Variants in PAH observed in about 807,000 individuals in gnomAD.
PAH encodes phenylalanine hydroxylase.
In PAH, 64 loss-of-function variants were observed where a neutral mutation model predicts 62.0. The observed-to-expected ratio is 1.03, with a 90% CI of 0.84 to 1.27. The LOEUF is 1.27. PAH is among the 50% of genes most tolerant of loss of function. PAH has a pLI of 0.00. For synonymous variants in PAH, 195 were observed against 196.2 expected, an observed-to-expected ratio of 0.99 and a Z score of 0.05; for missense variants, 579 against 542.8, an observed-to-expected ratio of 1.07 and a Z score of -0.66.
chr12:102,855,420 G>T, intron 5 of PAH, 88 bp from the exon 6 acceptor site: 1 of 969,590 alleles, frequency 1.0e-6, no homozygotes, highest in Non-Finnish European at 1.6e-6. Flanking sequence ...TCGGGGACCA[G>T]AACCTGTGAG....
At chr12:102,897,463 GTGTATATA>G (rs1479476778) in intron 2 of PAH, among the ~76,000 whole-genome samples, 21 of 105,584 alleles carry the variant, frequency 2.0e-4, no homozygotes, top group South Asian at 1.4e-3. Flanking sequence ...GTGTGTGTGT[GTGTATATA>G]TATATATATA....
At chr12:102,853,365 G>GC in intron 6 of PAH, 24 of 320,470 alleles carry the variant, frequency 7.5e-5, no homozygotes, top group South Asian at 2.2e-4. Flanking sequence ...TTCCCAGAAG[G>GC]GAAGAGTATG....
chr12:102,885,616 C>T (rs73391504), intron 3 of PAH, among the ~76,000 whole-genome samples: 22 of 152,286 alleles, frequency 1.4e-4, no homozygotes, highest in African/African-American at 5.1e-4. Flanking sequence ...CCCATTAAGT[C>T]GGGGTCAACT....
intron 1 of PAH, among the ~76,000 whole-genome samples, chr12:102,942,646 C>A (rs1461178573): frequency 6.6e-6 from 1 of 152,108 alleles, no homozygotes; most frequent in Non-Finnish European, 1.5e-5. Context: ...AGAGGCATCA[C>A]ACTACCCAAC....
intron 8 of PAH, among the ~76,000 whole-genome samples, chr12:102,849,397 T>C (rs945560266): frequency 6.8e-6 from 1 of 147,306 alleles, no homozygotes; most frequent in African/African-American, 2.7e-5. Context: ...CAATTCAATA[T>C]GCAAGTCTGA....
At chr12:102,853,531 C>A (rs1270863249) in intron 6 of PAH, 2 of 169,414 alleles carry the variant, frequency 1.2e-5, no homozygotes, top group African/African-American at 4.8e-5. Context: ...CACAGAGGAC[C>A]TCATTCCAGT....
chr12:102,930,350 G>T (rs1355430367), intron 1 of PAH, among the ~76,000 whole-genome samples: 2 of 150,864 alleles, frequency 1.3e-5, no homozygotes, highest in East Asian at 3.9e-4. Context: ...AAATGAGTTT[G>T]TCTGGTTACA....
At chr12:102,876,513 A>T (rs1318459903) in intron 4 of PAH, among the ~76,000 whole-genome samples, 1 of 152,236 alleles carries the variant, frequency 6.6e-6, no homozygotes, top group African/African-American at 2.4e-5. Flanking sequence ...AAAGACCCAC[A>T]TAAATGTGAG....
intron 1 of PAH, chr12:102,958,141 CCT>C: frequency 1.2e-6 from 1 of 808,222 alleles, no homozygotes; most frequent in Non-Finnish European, 1.7e-6. Context: ...CTTTTCTTTC[CCT>C]CTCTGTTCCT....
chr12:102,846,915 A>G lies in PAH; in HGVS notation c.949T>C (p.Tyr317His), dbSNP rs1874872863. The G allele has an allele frequency of 1.2e-6, 2 of 1,613,658 alleles. No individual in the cohort carries two copies. The highest frequency in any genetic ancestry group is 3.3e-4 in the Middle Eastern group (2 of 6,060). ...GLASLGAPDE[Y>H]IEKLATIYWF... ...CTTACTGTGGCGAGCTTTTCAATGT[A>G]TTCATCAGGTGCACCCAGAGAGGCA... The change falls in exon 9 of 13, where the codon TAC becomes CAC. Residue 317 changes from tyrosine (Y) to histidine (H), a missense_variant. Physicochemically the swap from Tyr to His is moderately conservative, Grantham distance 83. Coordinates refer to ENST00000553106, the MANE Select transcript of PAH (RefSeq NM_000277.3).
upstream of PAH, among the ~76,000 whole-genome samples, chr12:102,921,989 C>G (rs1203086738): frequency 2.0e-5 from 3 of 152,028 alleles, no homozygotes; most frequent in Non-Finnish European, 4.4e-5. Context: ...TCATATGGCT[C>G]AAACATCAAA....
chr12:102,848,559 G>A (rs12099870), intron 8 of PAH, among the ~76,000 whole-genome samples: 1 of 149,684 alleles, frequency 6.7e-6, no homozygotes. Flanking sequence ...GACACCAGGA[G>A]ACTGGAGAGG....
intron 5 of PAH, among the ~76,000 whole-genome samples, chr12:102,863,611 T>C (rs188575532): frequency 4.6e-4 from 70 of 152,302 alleles, no homozygotes; most frequent in Non-Finnish European, 7.9e-4. Context: ...GGACCTCTAA[T>C]TGAGTTGGCG....
At chr12:102,935,413 T>C (rs1879066146) in intron 1 of PAH, among the ~76,000 whole-genome samples, 1 of 152,154 alleles carries the variant, frequency 6.6e-6, no homozygotes, top group African/African-American at 2.4e-5. Flanking sequence ...CCTTGTAGAA[T>C]GAGTTTGAAA....
chr12:102,937,009 G>A (rs1253670495), intron 1 of PAH, among the ~76,000 whole-genome samples: 1 of 152,148 alleles, frequency 6.6e-6, no homozygotes. Flanking sequence ...TGAGTTCTCA[G>A]GAGATCTGAT....
At chr12:102,879,609 G>A (rs976023312) in intron 3 of PAH, among the ~76,000 whole-genome samples, 4 of 151,426 alleles carry the variant, frequency 2.6e-5, no homozygotes, top group African/African-American at 4.9e-5. Context: ...TACCTGTGGG[G>A]GGGGGGTACT....
chr12:102,844,184 A>G lies in PAH; in HGVS notation c.1065+152T>C, dbSNP rs893632862. 1.8e-5 allele frequency: 12 copies of G among 683,996 alleles called. No individual in the cohort carries two copies. In the Admixed American group the frequency reaches 2.3e-4, roughly 13 times the overall value. 42.4% of individuals were successfully genotyped at this position (683,996 alleles called of 1,614,324 possible). Reference sequence around the variant, plus strand: ...TAAAACCCACAGCCATCATCAAATCATAGCTGCTAAGGTACCAATCACTGG... The same window carrying G: ...TAAAACCCACAGCCATCATCAAATCGTAGCTGCTAAGGTACCAATCACTGG... On this transcript the variant is annotated intron_variant, in intron 10 of 12. Transcript: ENST00000553106.
Position 102,855,127 on chromosome 12 carries a change from T to G in PAH, c.706+9A>C. The G allele has an allele frequency of 6.2e-7, 1 of 1,611,430 alleles. No homozygotes were observed. Among genetic ancestry groups the G allele is most frequent in the Non-Finnish European group, 8.5e-7 (1 of 1,177,494 alleles). The stretch of plus-strand genomic sequence containing the variant: ...TTCTGCAGGGCCATTGACCCTGATG[T>G]GGACTTACTCTGCAGGAACTGAGAA... On this transcript the variant is annotated intron_variant, in intron 6 of 12. Coordinates refer to ENST00000553106, the MANE Select transcript of PAH (RefSeq NM_000277.3).
At chr12:102,937,729 A>T (rs1163533844) in intron 1 of PAH, among the ~76,000 whole-genome samples, 2 of 152,132 alleles carry the variant, frequency 1.3e-5, no homozygotes, top group Non-Finnish European at 2.9e-5. Flanking sequence ...ATGTTATTAT[A>T]TTACATTTTT....
Sources: gnomAD v4.1 joint callset for allele counts (sites outside exome capture counted in the v4.1 genomes callset) on GRCh38, gnomAD v4.1.1 for gene constraint, MANE v1.5 for transcripts, NCBI Gene and HGNC (gene_info 2026-07-23, HGNC 2026-07-21) for gene names.